The following ASXL2 variants were observed in gnomAD, a reference collection of about 807,000 sequenced individuals.
ASXL2 encodes the protein ASXL transcriptional regulator 2, also known as putative Polycomb group protein ASXL2.
In ASXL2, 23 loss-of-function variants were observed where a neutral mutation model predicts 122.0. The observed-to-expected ratio is 0.19, with a 90% CI of 0.14 to 0.27. ASXL2 has a LOEUF of 0.27. Among genes scored for constraint, ASXL2 ranks in the 10% least tolerant of loss-of-function variants. The pLI, the probability that ASXL2 is intolerant of heterozygous loss-of-function variation, is 1.00. For missense variants in ASXL2, 1,518 were observed against 1,713.8 expected (o/e 0.89, Z 2.02); for synonymous variants, 650 against 637.0 (o/e 1.02, Z -0.31).
chr2:25,828,564 G>A (rs1165911676), intron 3 of ASXL2, among the ~76,000 whole-genome samples: 6 of 148,536 alleles, frequency 4.0e-5, no homozygotes, highest in South Asian at 2.1e-4. Flanking sequence ...AGTAGCTCAC[G>A]CCTGTAATCC....
intron 3 of ASXL2, among the ~76,000 whole-genome samples, chr2:25,832,924 G>A (rs899661759): frequency 3.9e-5 from 6 of 152,098 alleles, no homozygotes; most frequent in African/African-American, 1.2e-4. Flanking sequence ...TGGGGGCTGC[G>A]GGGGGAGCCA....
chr2:25,817,606 AAT>A (rs2089253706), intron 3 of ASXL2, among the ~76,000 whole-genome samples: 1 of 152,208 alleles, frequency 6.6e-6, no homozygotes, highest in Non-Finnish European at 1.5e-5. Context: ...ATAGTCCGGA[AAT>A]ATACAAATAA....
At position 25,750,155 on chromosome 2, in the gene ASXL2, T is replaced by C. The variant is rs914514142; in HGVS notation, c.1401A>G (p.Ser467=). Residue 467 remains serine, a synonymous_variant, in exon 12 of 13, where the codon TCA becomes TCG. Coordinates refer to ENST00000435504, the MANE Select transcript of ASXL2 (RefSeq NM_018263.6). ...TGCTAAGCTCATGTGTATTGAGAGC[T>C]GAGGAAAGCAGGGGCTCTGAAGATG... ...FSTSSEPLLS[S]ALNTHELSSI... 3 of 1,613,904 alleles carry C rather than the reference T, an allele frequency of 1.9e-6. No individual in the cohort carries two copies. Among genetic ancestry groups the C allele is most frequent in the African/African-American group, 1.3e-5 (1 of 74,930 alleles).
At chr2:25,824,479 A>G (rs1427908604) in intron 3 of ASXL2, among the ~76,000 whole-genome samples, 1 of 130,374 alleles carries the variant, frequency 7.7e-6, no homozygotes, top group African/African-American at 3.2e-5. Flanking sequence ...GTGTGCACGT[A>G]CACACACACA....
chr2:25,817,105 G>C (rs541394498), intron 3 of ASXL2, among the ~76,000 whole-genome samples: 10 of 151,934 alleles, frequency 6.6e-5, no homozygotes, highest in Non-Finnish European at 1.3e-4. Flanking sequence ...CTGGTTGGCA[G>C]AGCAAGACTC....
At chr2:25,853,288 C>T (rs2089739408) in intron 1 of ASXL2, among the ~76,000 whole-genome samples, 1 of 152,162 alleles carries the variant, frequency 6.6e-6, no homozygotes, top group East Asian at 1.9e-4. Flanking sequence ...TAACAAGGAA[C>T]ACATGGTATT....
At chr2:25,866,927 T>G (rs943103806) in intron 1 of ASXL2, among the ~76,000 whole-genome samples, 2 of 150,312 alleles carry the variant, frequency 1.3e-5, no homozygotes, top group Non-Finnish European at 3.0e-5. Context: ...TGAGACAGTG[T>G]TTTGCTCTTG....
intron 5 of ASXL2, among the ~76,000 whole-genome samples, chr2:25,793,474 TA>T (rs1165315967): frequency 6.6e-6 from 1 of 152,192 alleles, no homozygotes; most frequent in Non-Finnish European, 1.5e-5. Flanking sequence ...GCATTTGAGT[TA>T]AAAGCTTAAG....
In ASXL2 at chr2:25,744,357, G is replaced by A; in HGVS notation, c.1980C>T (p.Ile660=). The A allele has an allele frequency of 6.2e-7, 1 of 1,613,954 alleles. No individual in the cohort carries two copies. Among genetic ancestry groups the A allele is most frequent in the Non-Finnish European group, 8.5e-7 (1 of 1,179,892 alleles). Residue 660 remains isoleucine (I), a synonymous_variant, in exon 13 of 13, where the codon ATC becomes ATT. Coordinates refer to ENST00000435504, the MANE Select transcript of ASXL2 (RefSeq NM_018263.6). The surrounding 1 kb of genome is among the most constrained non-coding windows in gnomAD (Gnocchi z 4.7). ...CTTTGACCAGTTGGGCTTTTGCTTTGATGTCTGCAAGAGTTCTGGCTCCTG... is the reference window on the plus strand; with the variant it reads ...CTTTGACCAGTTGGGCTTTTGCTTTAATGTCTGCAAGAGTTCTGGCTCCTG... The part of the protein sequence containing the change: ...NRTGARTLAD[I]KAKAQLVKAQ...
chr2:25,774,379 T>C (rs1011189568), intron 5 of ASXL2, among the ~76,000 whole-genome samples: 2 of 152,220 alleles, frequency 1.3e-5, no homozygotes, highest in African/African-American at 4.8e-5. Flanking sequence ...AGCTATCTTT[T>C]TGTGATCCCA....
intron 2 of ASXL2, among the ~76,000 whole-genome samples, chr2:25,843,380 C>A (rs930442047): frequency 1.3e-5 from 2 of 151,328 alleles, no homozygotes; most frequent in South Asian, 4.2e-4. Context: ...CTCAGGTGAT[C>A]GGCCTGCCTC....
At chr2:25,856,485 C>A in intron 1 of ASXL2, 1 of 1,027,478 alleles carries the variant, frequency 9.7e-7, no homozygotes, top group Non-Finnish European at 1.5e-6. Context: ...GGTTACGGAA[C>A]TTGTATCCAG....
intron 9 of ASXL2, among the ~76,000 whole-genome samples, chr2:25,756,773 C>T (rs921171355): frequency 6.6e-6 from 1 of 152,178 alleles, no homozygotes; most frequent in Non-Finnish European, 1.5e-5. Context: ...ACGGACAATA[C>T]GAAAACTAAC....
chr2:25,862,284 A>C (rs1488252751), intron 1 of ASXL2, among the ~76,000 whole-genome samples: 1 of 152,206 alleles, frequency 6.6e-6, no homozygotes, highest in Non-Finnish European at 1.5e-5. Flanking sequence ...TACAAAGCCA[A>C]ACAAAGAAAT....
chr2:25,808,007 ACACACACACACACACT>A (rs1315899459), intron 3 of ASXL2, among the ~76,000 whole-genome samples: 4 of 151,398 alleles, frequency 2.6e-5, no homozygotes, highest in African/African-American at 4.9e-5. Flanking sequence ...ACACACACAC[ACACACACACACACACT>A]CTCCACCCCA....
chr2:25,839,941 C>T (rs957693946), intron 2 of ASXL2, among the ~76,000 whole-genome samples: 5 of 148,114 alleles, frequency 3.4e-5, no homozygotes, highest in African/African-American at 1.3e-4. Flanking sequence ...ATCTTGTTCA[C>T]GCTGGTCTCA....
In ASXL2 at chr2:25,799,456, G is replaced by C. The variant is rs1430074335; in HGVS notation, c.332C>G (p.Ser111Cys). The C allele has an allele frequency of 1.2e-6, 2 of 1,613,946 alleles. No individual in the cohort carries two copies. The highest frequency in any genetic ancestry group is 4.5e-5 in the East Asian group (2 of 44,878). The change falls in exon 5 of 13, where the codon TCT becomes TGT. Residue 111 changes from serine to cysteine, a missense_variant. This residue lies in a region of ASXL2 where 198 missense variants were observed against 209.0 expected (regional missense o/e 0.95). Transcript: ENST00000435504. ...SSDGQSDSQSSENSSSSSDGG... is the reference protein window; with the variant it reads ...SSDGQSDSQSCENSSSSSDGG... ...ATCACTGCTGCTGCTGCTGTTCTCA[G>C]AACTCTGGGAATCTGACTGACCATC...
At chr2:25,864,526 T>C (rs10187156) in intron 1 of ASXL2, among the ~76,000 whole-genome samples, 42,569 of 152,018 alleles carry the variant, frequency 0.28, 6,369 homozygotes, top group African/African-American at 0.33. Context: ...GCTTTTTAAA[T>C]TGTGATAAAA....
At chr2:25,864,893 G>A (rs1291537035) in intron 1 of ASXL2, among the ~76,000 whole-genome samples, 4 of 150,544 alleles carry the variant, frequency 2.7e-5, no homozygotes, top group Non-Finnish European at 5.9e-5. Context: ...GTACAATAGC[G>A]CGATCTCAGC....
Sources: allele counts gnomAD v4.1 joint callset (sites outside exome capture counted in the v4.1 genomes callset), GRCh38; gene constraint gnomAD v4.1.1; regional missense constraint gnomAD v4.1.1; non-coding constraint Gnocchi (gnomAD v3.1); transcripts MANE v1.5; gene names NCBI Gene and HGNC (gene_info 2026-07-23, HGNC 2026-07-21).